Variants in CRIM1 observed in about 807,000 individuals in gnomAD.
The protein encoded by CRIM1 is cysteine rich transmembrane BMP regulator 1, also known as cysteine-rich motor neuron 1 protein.
CRIM1 carries 32 observed loss-of-function variants against 116.4 expected under a neutral mutation model. The ratio of observed to expected loss-of-function variants is 0.27; its 90% CI spans 0.21 to 0.37. The LOEUF is 0.37. CRIM1 is among the 10% of genes least tolerant of loss of function. The pLI is 1.00. For missense variants in CRIM1, 1,331 were observed against 1,354.8 expected, an observed-to-expected ratio of 0.98 and a Z score of 0.28; for synonymous variants, 590 against 509.2, an observed-to-expected ratio of 1.16 and a Z score of -2.13.
chr2:36,480,590 A>T (rs1679332922), intron 7 of CRIM1, among the ~76,000 whole-genome samples: 1 of 152,198 alleles, frequency 6.6e-6, no homozygotes, highest in South Asian at 2.1e-4. Flanking sequence ...AAGTCTTTTA[A>T]GTGCGAAGAA....
In CRIM1 at chr2:36,383,801, G is replaced by A. The variant is rs113731110; in HGVS notation, c.332-12813G>A. ...GTAGCAGCTTTCTAGGTAGACCGGA[G>A]GAAAAAAAAGTGTTCCTAAGCAGAG... On this transcript the variant is annotated intron_variant, in intron 1 of 16. Coordinates refer to ENST00000280527, the MANE Select transcript of CRIM1 (RefSeq NM_016441.3). Among the ~76,000 whole-genome samples the A allele has an allele frequency of 8.3e-3, 1,262 of 152,112 alleles. 8 individuals carry two copies. Among genetic ancestry groups the A allele is most frequent in the Non-Finnish European group, 0.015 (988 of 67,972 alleles).
At chr2:36,468,289 T>TA (rs1678207044) in intron 5 of CRIM1, among the ~76,000 whole-genome samples, 1 of 152,228 alleles carries the variant, frequency 6.6e-6, no homozygotes, top group Admixed American at 6.5e-5. Flanking sequence ...AATTTTAAAA[T>TA]ACACAGAACT....
chr2:36,393,326 A>G lies in CRIM1; in HGVS notation c.332-3288A>G, dbSNP rs1671763501. Among the ~76,000 whole-genome samples, 3 of 152,012 alleles carry G rather than the reference A, an allele frequency of 2.0e-5. No homozygotes were observed. In the South Asian group the frequency reaches 6.2e-4, roughly 31 times the overall value. ...AAAATAGGATTTGTATTGTTTAAAC[A>G]TGTTCTTTATATTATCTTGAAACAT... On this transcript the variant is annotated intron_variant, in intron 1 of 16. Coordinates refer to ENST00000280527, the MANE Select transcript of CRIM1 (RefSeq NM_016441.3).
intron 12 of CRIM1, among the ~76,000 whole-genome samples, chr2:36,517,998 T>C (rs1192475076): frequency 6.6e-6 from 1 of 152,228 alleles, no homozygotes; most frequent in Non-Finnish European, 1.5e-5. Flanking sequence ...GACTTTGAAA[T>C]ATGCATAATG....
At position 36,464,477 on chromosome 2, in the gene CRIM1, C is replaced by T. The variant is rs569954052; in HGVS notation, c.870-57C>T. 406 of 1,603,016 alleles carry T rather than the reference C, an allele frequency of 2.5e-4. 2 individuals carry two copies. Among genetic ancestry groups the T allele is most frequent in the South Asian group, 1.4e-3 (131 of 90,716 alleles). On this transcript the variant is annotated intron_variant, in intron 4 of 16. Transcript: ENST00000280527. Reference sequence around the variant, plus strand: ...CACTGCCACTTTGTTTGTGGTCTCCCGACTTCTATGTTGTTGTTTATTCAT... The same window carrying T: ...CACTGCCACTTTGTTTGTGGTCTCCTGACTTCTATGTTGTTGTTTATTCAT...
chr2:36,430,282 C>G (rs1384521621), intron 2 of CRIM1, among the ~76,000 whole-genome samples: 1 of 152,094 alleles, frequency 6.6e-6, no homozygotes, highest in African/African-American at 2.4e-5. Context: ...CCTTTAATGG[C>G]TATGAAGGGG....
intron 7 of CRIM1, among the ~76,000 whole-genome samples, chr2:36,498,288 G>C (rs1288666615): frequency 6.6e-6 from 1 of 152,118 alleles, no homozygotes; most frequent in Non-Finnish European, 1.5e-5. Context: ...CTGAGAGTGT[G>C]ACTGGAGTCA....
chr2:36,481,825 GC>G (rs1182243399), intron 7 of CRIM1, among the ~76,000 whole-genome samples: 1 of 152,214 alleles, frequency 6.6e-6, no homozygotes, highest in Admixed American at 6.5e-5. Context: ...CAGCATCCCA[GC>G]CTAACTCATG....
intron 8 of CRIM1, 50 bp from the exon 9 acceptor site, chr2:36,509,933 T>C (rs752053361): frequency 1.3e-6 from 2 of 1,570,724 alleles, no homozygotes; most frequent in Non-Finnish European, 1.7e-6. Context: ...ATCGAAGTGT[T>C]CTGCTCTGTT....
chr2:36,362,765 A>G (rs1237235112), intron 1 of CRIM1, among the ~76,000 whole-genome samples: 1 of 152,194 alleles, frequency 6.6e-6, no homozygotes, highest in Non-Finnish European at 1.5e-5. Context: ...GCCCACATGA[A>G]AAAAGTAAAT....
At chr2:36,413,080 G>A (rs576094197) in intron 2 of CRIM1, among the ~76,000 whole-genome samples, 3 of 152,286 alleles carry the variant, frequency 2.0e-5, no homozygotes, top group African/African-American at 7.2e-5. Context: ...GCATTTGGGA[G>A]GGACTCAGGC....
chr2:36,383,207 A>C (rs1264839891), intron 1 of CRIM1, among the ~76,000 whole-genome samples: 1 of 152,134 alleles, frequency 6.6e-6, no homozygotes, highest in African/African-American at 2.4e-5. Flanking sequence ...TTATATTTAC[A>C]TTTTCTTTTG....
intron 13 of CRIM1, among the ~76,000 whole-genome samples, chr2:36,532,320 T>C (rs1292827485): frequency 6.6e-6 from 1 of 152,184 alleles, no homozygotes; most frequent in Non-Finnish European, 1.5e-5. Context: ...AACGTTATTA[T>C]GTTAGTGTCA....
intron 1 of CRIM1, among the ~76,000 whole-genome samples, chr2:36,378,137 G>A (rs1327138971): frequency 3.3e-5 from 5 of 152,328 alleles, no homozygotes; most frequent in Admixed American, 2.0e-4. Context: ...CTTTTAAGGC[G>A]ATAGATGGGT....
At chr2:36,472,831 T>G (rs1053959644) in intron 5 of CRIM1, among the ~76,000 whole-genome samples, 2 of 152,252 alleles carry the variant, frequency 1.3e-5, no homozygotes, top group Admixed American at 1.3e-4. Flanking sequence ...TTGGAACTTA[T>G]AGTGTAGCTG....
chr2:36,380,794 G>A (rs1670686356), intron 1 of CRIM1, among the ~76,000 whole-genome samples: 1 of 152,192 alleles, frequency 6.6e-6, no homozygotes, highest in Non-Finnish European at 1.5e-5. Flanking sequence ...TCAGAATTGT[G>A]GCATTGGAAG....
At chr2:36,448,954 G>GTA (rs1435700763) in intron 4 of CRIM1, among the ~76,000 whole-genome samples, 1 of 151,536 alleles carries the variant, frequency 6.6e-6, no homozygotes, top group Non-Finnish European at 1.5e-5. Flanking sequence ...TGGAACATGT[G>GTA]TATCTCTTGT....
In CRIM1 at chr2:36,508,758, A is replaced by T. The variant is rs561974503; in HGVS notation, c.1502-1225A>T. The stretch of plus-strand genomic sequence containing the variant: ...ATTTCCCTTTTCTCTCGTAAGCCCT[A>T]TATAACCTTTTAAAATCATTTTAGA... On this transcript the variant is annotated intron_variant, in intron 8 of 16. Coordinates refer to ENST00000280527, the MANE Select transcript of CRIM1 (RefSeq NM_016441.3). Among the ~76,000 whole-genome samples, 3 of 152,274 alleles carry T rather than the reference A, an allele frequency of 2.0e-5. No homozygotes were observed. The East Asian group carries it at 5.8e-4, about 29-fold the overall frequency.
At chr2:36,385,387 C>A (rs904048152) in intron 1 of CRIM1, among the ~76,000 whole-genome samples, 1 of 152,160 alleles carries the variant, frequency 6.6e-6, no homozygotes, top group African/African-American at 2.4e-5. Context: ...GATCATTACA[C>A]CTTTTAAAAA....
Sources: gnomAD v4.1 joint callset for allele counts (sites outside exome capture counted in the v4.1 genomes callset) on GRCh38, gnomAD v4.1.1 for gene constraint, MANE v1.5 for transcripts, NCBI Gene and HGNC (gene_info 2026-07-23, HGNC 2026-07-21) for gene names.